Variants in TSPAN5 observed in about 807,000 individuals in gnomAD.
The protein encoded by TSPAN5 is tetraspanin 5, also known as tetraspanin-5.
TSPAN5 carries 10 observed loss-of-function variants against 37.1 expected under a neutral mutation model. The observed-to-expected ratio is 0.27, with a 90% CI of 0.17 to 0.46. TSPAN5 has a LOEUF of 0.46. Among genes scored for constraint, TSPAN5 ranks in the 20% least tolerant of loss-of-function variants. The pLI is 1.00. For synonymous variants in TSPAN5, 110 were observed against 118.9 expected (o/e 0.93, Z 0.48); for missense variants, 195 against 326.6 (o/e 0.60, Z 3.11).
intron 1 of TSPAN5, among the ~76,000 whole-genome samples, chr4:98,555,011 A>G (rs1754707817): frequency 6.6e-6 from 1 of 152,228 alleles, no homozygotes; most frequent in Non-Finnish European, 1.5e-5. Context: ...TGGTAATAGA[A>G]GAAATAGCCT....
intron 1 of TSPAN5, among the ~76,000 whole-genome samples, chr4:98,592,269 G>A (rs2110209378): frequency 6.7e-6 from 1 of 149,316 alleles, no homozygotes; most frequent in East Asian, 2.0e-4. Context: ...TGTGCTCTAG[G>A]CCCCAAAAGA....
intron 2 of TSPAN5, among the ~76,000 whole-genome samples, chr4:98,492,964 A>G (rs946614426): frequency 1.3e-5 from 2 of 152,174 alleles, no homozygotes; most frequent in Non-Finnish European, 2.9e-5. Context: ...GATTGCCTGA[A>G]GCCAGAAGTT....
chr4:98,621,582 A>T (rs979539749), intron 1 of TSPAN5, among the ~76,000 whole-genome samples: 1 of 151,718 alleles, frequency 6.6e-6, no homozygotes, highest in Admixed American at 6.6e-5. Flanking sequence ...GTTCACCAGG[A>T]TGCTCTCGAT....
intron 1 of TSPAN5, among the ~76,000 whole-genome samples, chr4:98,643,702 G>T (rs976866200): frequency 6.6e-6 from 1 of 152,144 alleles, no homozygotes; most frequent in Non-Finnish European, 1.5e-5. Context: ...TATTAATCTT[G>T]CAGGGTCAGG....
chr4:98,540,662 C>T (rs868324330), intron 1 of TSPAN5, among the ~76,000 whole-genome samples: 11 of 152,168 alleles, frequency 7.2e-5, no homozygotes, highest in Middle Eastern at 3.4e-3. Context: ...TCTCTTAATT[C>T]CCGGACTGAA....
At chr4:98,620,104 C>T (rs2110246594) in intron 1 of TSPAN5, among the ~76,000 whole-genome samples, 1 of 152,268 alleles carries the variant, frequency 6.6e-6, no homozygotes. Context: ...TCTATGTCCC[C>T]TCACTCATGA....
At chr4:98,608,575 G>T (rs1312357644) in intron 1 of TSPAN5, among the ~76,000 whole-genome samples, 2 of 152,070 alleles carry the variant, frequency 1.3e-5, no homozygotes, top group Non-Finnish European at 2.9e-5. Context: ...GGAAGAACGA[G>T]GCCCAGGTCA....
At position 98,476,479 on chromosome 4, in the gene TSPAN5, A is replaced by T; in HGVS notation, c.577-19T>A. 6.2e-7 allele frequency: 1 copy of T among 1,613,884 alleles called. No individual in the cohort carries two copies. Among genetic ancestry groups the T allele is most frequent in the Non-Finnish European group, 8.5e-7 (1 of 1,179,934 alleles). Reference sequence around the variant, plus strand: ...CATCTTCCTGGTGAAGAAAGGAAAGAGAAAAGTGAAATTTACTCATTAGAC... The same window carrying T: ...CATCTTCCTGGTGAAGAAAGGAAAGTGAAAAGTGAAATTTACTCATTAGAC... On this transcript the variant is annotated intron_variant, in intron 5 of 7. Transcript: ENST00000305798.
intron 1 of TSPAN5, among the ~76,000 whole-genome samples, chr4:98,618,051 C>T (rs893352576): frequency 6.6e-6 from 1 of 152,162 alleles, no homozygotes; most frequent in Non-Finnish European, 1.5e-5. Context: ...TTGGAGAGAA[C>T]CCAGGTCATT....
At chr4:98,522,845 T>C (rs1463963727) in intron 1 of TSPAN5, among the ~76,000 whole-genome samples, 1 of 152,188 alleles carries the variant, frequency 6.6e-6, no homozygotes, top group Non-Finnish European at 1.5e-5. Flanking sequence ...ATTCTGTATG[T>C]TCAGCTCAGT....
chr4:98,603,396 A>G (rs1560554981), intron 1 of TSPAN5, among the ~76,000 whole-genome samples: 2 of 152,240 alleles, frequency 1.3e-5, no homozygotes, highest in Non-Finnish European at 2.9e-5. Context: ...GCCTTTTATA[A>G]AAGATCAGAT....
At position 98,554,390 on chromosome 4, in the gene TSPAN5, CTT is replaced by C. The variant is rs367961851; in HGVS notation, c.82-46664_82-46663del. Among the ~76,000 whole-genome samples the C allele has an allele frequency of 4.4e-3, 669 of 152,260 alleles. 7 individuals carry two copies. The highest frequency in any genetic ancestry group is 0.015 in the African/African-American group (642 of 41,544). On this transcript the variant is annotated intron_variant, in intron 1 of 7. Transcript: ENST00000305798. ...ATTTAGTGAAGCTCAGTGTCTCATACTTTGTTTGTTCACAGCGTGAACCATTA... is the reference window on the plus strand; with the variant it reads ...ATTTAGTGAAGCTCAGTGTCTCATACTGTTTGTTCACAGCGTGAACCATTA...
Position 98,658,370 on chromosome 4 carries a change from G to A in TSPAN5, c.-144C>T. The A allele has an allele frequency of 3.5e-6, 2 of 572,414 alleles. No homozygotes were observed. Among genetic ancestry groups the A allele is most frequent in the Non-Finnish European group, 2.9e-6 (1 of 339,788 alleles). 35.5% of individuals were successfully genotyped at this position (572,414 alleles called of 1,614,324 possible). On this transcript the variant is annotated 5_prime_UTR_variant, in exon 1 of 8. Transcript: ENST00000305798. ...CTGGCGGCCTGGGCTCAGCCGCGCGGGGACCGACCGGCGGAGAGCGGCTCC... is the reference window on the plus strand; with the variant it reads ...CTGGCGGCCTGGGCTCAGCCGCGCGAGGACCGACCGGCGGAGAGCGGCTCC...
At chr4:98,534,466 G>A (rs925681561) in intron 1 of TSPAN5, among the ~76,000 whole-genome samples, 23 of 152,214 alleles carry the variant, frequency 1.5e-4, no homozygotes, top group Admixed American at 1.5e-3. Flanking sequence ...TAAGTGTGAT[G>A]AGTTGCTGAG....
At chr4:98,564,364 T>A (rs1013356035) in intron 1 of TSPAN5, among the ~76,000 whole-genome samples, 1 of 152,196 alleles carries the variant, frequency 6.6e-6, no homozygotes, top group Non-Finnish European at 1.5e-5. Flanking sequence ...AATAACAACA[T>A]AGCCTCCTAC....
chr4:98,571,263 G>A (rs556467137), intron 1 of TSPAN5, among the ~76,000 whole-genome samples: 2 of 152,188 alleles, frequency 1.3e-5, no homozygotes, highest in South Asian at 4.1e-4. Context: ...GAACCGCGTG[G>A]ACCCTGAAGT....
At chr4:98,592,435 T>TGTTTG (rs1560550835) in intron 1 of TSPAN5, among the ~76,000 whole-genome samples, 4 of 147,876 alleles carry the variant, frequency 2.7e-5, no homozygotes, top group African/African-American at 1.0e-4. Flanking sequence ...TTTGTTTTTT[T>TGTTTG]TTTTTTTTTT....
At chr4:98,549,126 AT>A (rs1426630566) in intron 1 of TSPAN5, among the ~76,000 whole-genome samples, 3 of 152,066 alleles carry the variant, frequency 2.0e-5, no homozygotes. Flanking sequence ...TCTCCATACC[AT>A]TTTCCACTGA....
At chr4:98,556,616 C>A (rs1754757631) in intron 1 of TSPAN5, among the ~76,000 whole-genome samples, 1 of 152,150 alleles carries the variant, frequency 6.6e-6, no homozygotes, top group Non-Finnish European at 1.5e-5. Flanking sequence ...TGTTAACATT[C>A]TTTTACTACT....
Sources: gnomAD v4.1 joint callset for allele counts (sites outside exome capture counted in the v4.1 genomes callset) on GRCh38, gnomAD v4.1.1 for gene constraint, MANE v1.5 for transcripts, NCBI Gene and HGNC (gene_info 2026-07-23, HGNC 2026-07-21) for gene names.